MKNK2: variants seen among roughly 807,000 people sequenced by gnomAD.
The protein encoded by MKNK2 is MAP kinase-interacting serine/threonine-protein kinase 2.
MKNK2 carries 54 observed loss-of-function variants against 55.0 expected under a neutral mutation model. The ratio of observed to expected loss-of-function variants is 0.98; its 90% CI spans 0.79 to 1.23. The LOEUF is 1.23. Among genes scored for constraint, MKNK2 ranks in the 50% most tolerant of loss-of-function variants. MKNK2 has a pLI of 0.00. For synonymous variants in MKNK2, 323 were observed against 256.0 expected, an observed-to-expected ratio of 1.26 and a Z score of -2.50; for missense variants, 685 against 632.1, an observed-to-expected ratio of 1.08 and a Z score of -0.90.
chr19:2,038,511 G>T lies in MKNK2; in HGVS notation c.*1102C>A. The T allele has an allele frequency of 2.0e-6, 2 of 985,620 alleles. No homozygotes were observed. Among genetic ancestry groups the T allele is most frequent in the Non-Finnish European group, 2.4e-6 (2 of 829,986 alleles). The allele number at this position is 985,620 out of a possible 1,614,324, so 61.1% of individuals were successfully genotyped here. A position where few individuals can be genotyped will look rare whatever the true frequency, so the allele number is the denominator to read the frequency against. ...GACTGAGCAGACCCCCGCATTCCTG[G>T]GTGCCCGAAGGGAGGCCGAGGCCGC... On this transcript the variant is annotated 3_prime_UTR_variant, in exon 14 of 14. Coordinates refer to ENST00000250896, the MANE Select transcript of MKNK2 (RefSeq NM_199054.3).
chr19:2,039,273 G>C lies in MKNK2; in HGVS notation c.*340C>G. On this transcript the variant is annotated 3_prime_UTR_variant, in exon 14 of 14. Transcript: ENST00000250896. ...ACTGCAAGCCACGTGGGCAGATGGC[G>C]GGCAGCACAGGTGACCTGGGGGCAC... The C allele has an allele frequency of 1.7e-6, 2 of 1,157,230 alleles. No homozygotes were observed. The highest frequency in any genetic ancestry group is 2.1e-6 in the Non-Finnish European group (2 of 935,340). The allele number at this position is 1,157,230 out of a possible 1,614,324, so 71.7% of individuals were successfully genotyped here. A position where few individuals can be genotyped will look rare whatever the true frequency, so the allele number is the denominator to read the frequency against.
rs758345981 is a variant in MKNK2, at chr19:2,042,886, C to T, written c.494-16G>A. On this transcript the variant is annotated splice_polypyrimidine_tract_variant and intron_variant, in intron 7 of 13. Coordinates refer to ENST00000250896, the MANE Select transcript of MKNK2 (RefSeq NM_199054.3). ...AGGATGGAGCCTGGGCAGGGCAGGG[C>T]AGGGCAGGACAGGGGGAACACGCAG... 1.0e-5 allele frequency: 16 copies of T among 1,552,614 alleles called. No individual in the cohort carries two copies. Among genetic ancestry groups the T allele is most frequent in the East Asian group, 2.4e-5 (1 of 41,772 alleles).
chr19:2,037,833 C>CAA lies in MKNK2; in HGVS notation c.*1779_*1780insTT, dbSNP rs779451929. ...GAGGAGGAAGTGACTGTCCCACCTT[C>CAA]AGAAAAAAAAAAAAAAACAAACAAA... On this transcript the variant is annotated 3_prime_UTR_variant, in exon 14 of 14. Coordinates refer to ENST00000250896, the MANE Select transcript of MKNK2 (RefSeq NM_199054.3). 11 of 1,505,932 alleles carry CAA rather than the reference C, an allele frequency of 7.3e-6. No individual in the cohort carries two copies. In the Admixed American group the frequency reaches 9.9e-5, roughly 13 times the overall value. 93.3% of individuals were successfully genotyped at this position (1,505,932 alleles called of 1,614,324 possible).
Position 2,038,946 on chromosome 19 carries a change from G to A in MKNK2, c.*667C>T, listed in dbSNP as rs548800004. The A allele has an allele frequency of 7.6e-5, 75 of 985,884 alleles. No homozygotes were observed. The Admixed American group carries it at 8.0e-4, about 10-fold the overall frequency. 61.1% of individuals were successfully genotyped at this position (985,884 alleles called of 1,614,324 possible). On this transcript the variant is annotated 3_prime_UTR_variant, in exon 14 of 14. Transcript: ENST00000250896. ...CACCAGGAGTCCTGGACAGACAGAC[G>A]GGCCTTGCAGGAAGCCCCGATTGTC...
chr19:2,049,655 C>G (rs1555693126), intron 2 of MKNK2, among the ~76,000 whole-genome samples: 1 of 152,210 alleles, frequency 6.6e-6, no homozygotes, highest in Non-Finnish European at 1.5e-5. Context: ...CTGGCTGGCC[C>G]CATGCACTGA....
chr19:2,046,771 G>T, intron 2 of MKNK2, 80 bp from the exon 3 acceptor site: 1 of 1,166,940 alleles, frequency 8.6e-7, no homozygotes, highest in Non-Finnish European at 1.2e-6. Context: ...CCCCAGTGTC[G>T]CAGCGTCCAC....
At position 2,042,665 on chromosome 19, in the gene MKNK2, G is replaced by T. The variant is rs112345263; in HGVS notation, c.599-3C>A. On this transcript the variant is annotated splice_polypyrimidine_tract_variant and splice_region_variant and intron_variant, in intron 8 of 13. Coordinates refer to ENST00000250896, the MANE Select transcript of MKNK2 (RefSeq NM_199054.3). ...CTTTAGGTCCCTGTGGGCGATGCCTGGGGGAGAAGCCACAGAACCACGACG... is the reference window on the plus strand; with the variant it reads ...CTTTAGGTCCCTGTGGGCGATGCCTTGGGGAGAAGCCACAGAACCACGACG... 6.4e-7 allele frequency: 1 copy of T among 1,560,542 alleles called. No individual in the cohort carries two copies. Among genetic ancestry groups the T allele is most frequent in the Non-Finnish European group, 8.7e-7 (1 of 1,151,484 alleles).
intron 1 of MKNK2, 26 bp from the exon 2 acceptor site, chr19:2,050,973 G>A (rs942217835): frequency 7.4e-5 from 44 of 595,420 alleles, no homozygotes; most frequent in Non-Finnish European, 1.2e-4. Context: ...GACAAAGGGA[G>A]GGCGGTGAGC....
rs2016786201 is a variant in MKNK2, at chr19:2,037,897, C to CT, written c.*1715dup. The stretch of plus-strand genomic sequence containing the variant: ...CCACTCAGCTTTAGAGACCCGATGG[C>CT]TATGGGCGCCTGCAGCGGGCGGGGG... On this transcript the variant is annotated 3_prime_UTR_variant, in exon 14 of 14. Coordinates refer to ENST00000250896, the MANE Select transcript of MKNK2 (RefSeq NM_199054.3). The CT allele has an allele frequency of 6.8e-7, 1 of 1,464,102 alleles. No individual in the cohort carries two copies. Among genetic ancestry groups the CT allele is most frequent in the African/African-American group, 1.4e-5 (1 of 70,428 alleles). 90.7% of individuals were successfully genotyped at this position (1,464,102 alleles called of 1,614,324 possible).
In MKNK2 at chr19:2,039,182, GCAGGGTCCTGTGCCCCTCC is replaced by G. The variant is rs1489678416; in HGVS notation, c.*412_*430del. 1 of 1,009,214 alleles carries G rather than the reference GCAGGGTCCTGTGCCCCTCC, an allele frequency of 9.9e-7. No homozygotes were observed. The highest frequency in any genetic ancestry group is 5.5e-5 in the Admixed American group (1 of 18,092). The allele number at this position is 1,009,214 out of a possible 1,614,324, so 62.5% of individuals were successfully genotyped here. A position where few individuals can be genotyped will look rare whatever the true frequency, so the allele number is the denominator to read the frequency against. ...CTGCGGGCTGGGAGGGAACACGAGGGCAGGGTCCTGTGCCCCTCCCCAGCTCTGCAAGATGGCAAACGCT... is the reference window on the plus strand; with the variant it reads ...CTGCGGGCTGGGAGGGAACACGAGGGCCAGCTCTGCAAGATGGCAAACGCT... On this transcript the variant is annotated 3_prime_UTR_variant, in exon 14 of 14. Transcript: ENST00000250896.
intron 13 of MKNK2, 23 bp from the exon 14 acceptor site, chr19:2,039,879 G>C: frequency 1.9e-6 from 3 of 1,580,092 alleles, no homozygotes; most frequent in Non-Finnish European, 2.6e-6. Context: ...GTGGGGGTAG[G>C]TGGTCACCAA....
At position 2,038,127 on chromosome 19, in the gene MKNK2, T is replaced by C; in HGVS notation, c.*1486A>G. On this transcript the variant is annotated 3_prime_UTR_variant, in exon 14 of 14. Transcript: ENST00000250896. The stretch of plus-strand genomic sequence containing the variant: ...CCCCACGGCCACCGGACTGTGACCA[T>C]CATACGAGATTCAGGAGGGGCAGCA... The C allele has an allele frequency of 9.3e-7, 1 of 1,070,198 alleles. No homozygotes were observed. The highest frequency in any genetic ancestry group is 1.1e-6 in the Non-Finnish European group (1 of 885,724). 66.3% of individuals were successfully genotyped at this position (1,070,198 alleles called of 1,614,324 possible). A position where few individuals can be genotyped will look rare whatever the true frequency, so the allele number is the denominator to read the frequency against.
rs2016799523 is a variant in MKNK2, at chr19:2,038,378, C to T, written c.*1235G>A. 26 of 986,120 alleles carry T rather than the reference C, an allele frequency of 2.6e-5. No individual in the cohort carries two copies. Among genetic ancestry groups the T allele is most frequent in the Middle Eastern group, 5.2e-4 (1 of 1,936 alleles). The allele number at this position is 986,120 out of a possible 1,614,324, so 61.1% of individuals were successfully genotyped here. On this transcript the variant is annotated 3_prime_UTR_variant, in exon 14 of 14. Transcript: ENST00000250896. Reference sequence around the variant, plus strand: ...GGGAAGGGCGGGCGGTGACCCTAGCCGCGCGCACTTCTAAAGTGGAACCCT... The same window carrying T: ...GGGAAGGGCGGGCGGTGACCCTAGCTGCGCGCACTTCTAAAGTGGAACCCT...
In MKNK2 at chr19:2,050,032, C is replaced by T. The variant is rs181421874; in HGVS notation, c.51+769G>A. Among the ~76,000 whole-genome samples, 510 of 152,338 alleles carry T rather than the reference C, an allele frequency of 3.3e-3. 1 individual carries two copies. Among genetic ancestry groups the T allele is most frequent in the Non-Finnish European group, 5.2e-3 (354 of 68,020 alleles). On this transcript the variant is annotated intron_variant, in intron 2 of 13. Transcript: ENST00000250896. ...GCCCAGTGAAGCGATTACATAACCC[C>T]GGCCTGAGGGGTGGGGCGGGCCGGC...
At chr19:2,041,812 G>T (rs1007693117) in intron 11 of MKNK2, 28 bp downstream of exon 11, 2 of 1,490,128 alleles carry the variant, frequency 1.3e-6, no homozygotes, top group Non-Finnish European at 1.8e-6. Flanking sequence ...AGGGTGCCCA[G>T]GAGAGGAGGG....
At chr19:2,050,062 A>T (rs1390254251) in intron 2 of MKNK2, among the ~76,000 whole-genome samples, 3 of 152,112 alleles carry the variant, frequency 2.0e-5, no homozygotes. Flanking sequence ...GCCGGCTGAC[A>T]TCACTGCGTC....
Position 2,038,926 on chromosome 19 carries a change from G to T in MKNK2, c.*687C>A. 1 of 985,920 alleles carries T rather than the reference G, an allele frequency of 1.0e-6. No individual in the cohort carries two copies. Among genetic ancestry groups the T allele is most frequent in the South Asian group, 4.7e-5 (1 of 21,290 alleles). The allele number at this position is 985,920 out of a possible 1,614,324, so 61.1% of individuals were successfully genotyped here. A position where few individuals can be genotyped will look rare whatever the true frequency, so the allele number is the denominator to read the frequency against. The stretch of plus-strand genomic sequence containing the variant: ...GGTCGGAGGCCGAATCTGGCCACCA[G>T]GAGTCCTGGACAGACAGACGGGCCT... On this transcript the variant is annotated 3_prime_UTR_variant, in exon 14 of 14. Transcript: ENST00000250896.
At chr19:2,045,863 C>T (rs145965076) in intron 5 of MKNK2, among the ~76,000 whole-genome samples, 8 of 152,352 alleles carry the variant, frequency 5.3e-5, no homozygotes, top group East Asian at 3.9e-4. Flanking sequence ...GTTCCCCAAA[C>T]GCAGAGCCCC....
Position 2,046,086 on chromosome 19 carries a change from C to T in MKNK2, c.339+100G>A, listed in dbSNP as rs968567773. 55 of 1,241,416 alleles carry T rather than the reference C, an allele frequency of 4.4e-5. No homozygotes were observed. In the East Asian group the frequency reaches 4.4e-4, roughly 10 times the overall value. The allele number at this position is 1,241,416 out of a possible 1,614,324, so 76.9% of individuals were successfully genotyped here. On this transcript the variant is annotated intron_variant, in intron 5 of 13. Transcript: ENST00000250896. ...GGCCACTTTTAGACACGGGTCTTCC[C>T]GGCTGTAGGACGGACAGCCGGAATG...
Sources: allele counts gnomAD v4.1 joint callset (sites outside exome capture counted in the v4.1 genomes callset), GRCh38; gene constraint gnomAD v4.1.1; transcripts MANE v1.5; gene names NCBI Gene and HGNC (gene_info 2026-07-23, HGNC 2026-07-21).